ABCD3: variants seen among roughly 807,000 people sequenced by gnomAD.
The protein encoded by ABCD3 is ATP binding cassette subfamily D member 3.
In ABCD3, 41 loss-of-function variants were observed where a neutral mutation model predicts 105.5. That is an observed-to-expected ratio of 0.39 (90% CI 0.30 to 0.50). The LOEUF (loss-of-function observed/expected upper bound fraction) is 0.50, where lower values mean the gene tolerates loss of function less well. Among genes scored for constraint, ABCD3 ranks in the 20% least tolerant of loss-of-function variants. ABCD3 has a pLI of 0.84. For synonymous variants in ABCD3, 258 were observed against 269.0 expected (o/e 0.96, Z 0.40); for missense variants, 622 against 806.3 (o/e 0.77, Z 2.77).
chr1:94,512,309 T>C (rs962082531), intron 21 of ABCD3, among the ~76,000 whole-genome samples: 2 of 151,996 alleles, frequency 1.3e-5, no homozygotes, highest in Non-Finnish European at 2.9e-5. Flanking sequence ...ATGTAAAAGA[T>C]ATCTCATTGA....
At chr1:94,448,647 T>C (rs1361959187) in intron 1 of ABCD3, among the ~76,000 whole-genome samples, 1 of 152,244 alleles carries the variant, frequency 6.6e-6, no homozygotes, top group Non-Finnish European at 1.5e-5. Flanking sequence ...TTGAAAATGC[T>C]CAGTTATGTT....
chr1:94,418,809 G>A (rs1012293447), intron 1 of ABCD3: 3 of 577,166 alleles, frequency 5.2e-6, no homozygotes. Context: ...CTCCACCCCG[G>A]GAGTGCGAAT....
At chr1:94,473,627 G>A (rs1465369896) in intron 4 of ABCD3, 139 bp from the exon 5 acceptor site, 14 of 698,660 alleles carry the variant, frequency 2.0e-5, no homozygotes, top group Non-Finnish European at 3.5e-5. Flanking sequence ...TTGCAAAAAA[G>A]TGGTTTTTAG....
chr1:94,386,766 G>A, the ABCD3 span, among the ~76,000 whole-genome samples: 2 of 152,276 alleles, frequency 1.3e-5, no homozygotes, highest in East Asian at 3.9e-4. Flanking sequence ...AGGCCAGGAG[G>A]ATTGCTTGAA....
intron 10 of ABCD3, among the ~76,000 whole-genome samples, chr1:94,484,552 T>C (rs1037996432): frequency 1.3e-5 from 2 of 152,090 alleles, no homozygotes; most frequent in African/African-American, 4.8e-5. Context: ...AACCAAACAC[T>C]GCATGTTCTC....
chr1:94,418,904 T>G (rs930185727), intron 1 of ABCD3: 8 of 444,376 alleles, frequency 1.8e-5, no homozygotes, highest in Non-Finnish European at 2.9e-5. Context: ...ATGCGGTGTG[T>G]CCCCCACCCC....
chr1:94,464,799 G>A lies in ABCD3; in HGVS notation c.172G>A (p.Val58Met). The A allele has an allele frequency of 6.2e-7, 1 of 1,613,838 alleles. No individual in the cohort carries two copies. Among genetic ancestry groups the A allele is most frequent in the Non-Finnish European group, 8.5e-7 (1 of 1,179,924 alleles). ...NEKEGKKERAVVDKVFFSRLI... is the reference protein window; with the variant it reads ...NEKEGKKERAMVDKVFFSRLI... Reference sequence around the variant, plus strand: ...GAAAGAGGGGAAAAAGGAGCGAGCTGTGGTGGACAAGGTGTTTTTCTCAAG... The same window carrying A: ...GAAAGAGGGGAAAAAGGAGCGAGCTATGGTGGACAAGGTGTTTTTCTCAAG... Residue 58 changes from valine to methionine, a missense_variant, in exon 3 of 23, where the codon GTG becomes ATG. Transcript: ENST00000370214.
chr1:94,438,448 C>A (rs995214082), intron 1 of ABCD3, among the ~76,000 whole-genome samples: 3 of 151,942 alleles, frequency 2.0e-5, no homozygotes. Flanking sequence ...TGTTAAATGA[C>A]AACAAAGGAT....
At chr1:94,421,408 G>A (rs962575458) in intron 1 of ABCD3, among the ~76,000 whole-genome samples, 2 of 152,082 alleles carry the variant, frequency 1.3e-5, no homozygotes, top group Non-Finnish European at 2.9e-5. Context: ...TTCCAGCACT[G>A]CTAAGCTAAC....
chr1:94,480,486 A>T lies in ABCD3; in HGVS notation c.707A>T (p.Tyr236Phe). Residue 236 changes from tyrosine to phenylalanine, a missense_variant, in exon 9 of 23, where the codon TAC (tyrosine) becomes TTC (phenylalanine). Coordinates refer to ENST00000370214, the MANE Select transcript of ABCD3 (RefSeq NM_002858.4). ...GAQGPASMMA[Y>F]LVVSGLFLTR... ...TAGGGCCCAGCGAGCATGATGGCCT[A>T]CTTGGTTGTTTCTGGGCTATTCCTA... 1.2e-6 allele frequency: 2 copies of T among 1,613,884 alleles called. No individual in the cohort carries two copies. The highest frequency in any genetic ancestry group is 1.7e-6 in the Non-Finnish European group (2 of 1,179,846).
chr1:94,403,741 G>A, the ABCD3 span, among the ~76,000 whole-genome samples: 1 of 152,148 alleles, frequency 6.6e-6, no homozygotes, highest in Non-Finnish European at 1.5e-5. Context: ...TGACTCCTGT[G>A]TTCCTGTGAC....
chr1:94,479,409 A>G (rs1648925532), intron 8 of ABCD3, among the ~76,000 whole-genome samples: 1 of 151,586 alleles, frequency 6.6e-6, no homozygotes, highest in Non-Finnish European at 1.5e-5. Flanking sequence ...AGTTGTTGAT[A>G]TGCATTGAAT....
chr1:94,444,909 G>T lies in ABCD3; in HGVS notation c.111-13698G>T, dbSNP rs557015375. 4.6e-5 allele frequency among the ~76,000 whole-genome samples: 7 copies of T among 152,344 alleles called. No individual in the cohort carries two copies. In the South Asian group the frequency reaches 1.4e-3, roughly 32 times the overall value. Reference sequence around the variant, plus strand: ...ACGATGCCCATGCTGAAGGTTGCAGGTTTACCGGAATGAGGGCAAGGGACA... The same window carrying T: ...ACGATGCCCATGCTGAAGGTTGCAGTTTTACCGGAATGAGGGCAAGGGACA... On this transcript the variant is annotated intron_variant, in intron 1 of 22. Coordinates refer to ENST00000370214, the MANE Select transcript of ABCD3 (RefSeq NM_002858.4).
the ABCD3 span, among the ~76,000 whole-genome samples, chr1:94,388,739 T>G: frequency 1.3e-5 from 2 of 152,246 alleles, no homozygotes; most frequent in Admixed American, 1.3e-4. Flanking sequence ...GCCTGAGTCC[T>G]CCAAACGCCA....
At chr1:94,491,041 T>C (rs1649511547) in intron 15 of ABCD3, 143 bp from the exon 16 acceptor site, 2 of 627,240 alleles carry the variant, frequency 3.2e-6, no homozygotes, top group Non-Finnish European at 2.8e-6. Flanking sequence ...CGTATGCCTG[T>C]TGGCCATCTG....
At chr1:94,457,564 C>G (rs1036678372) in intron 1 of ABCD3, among the ~76,000 whole-genome samples, 4 of 152,088 alleles carry the variant, frequency 2.6e-5, no homozygotes, top group Non-Finnish European at 5.9e-5. Flanking sequence ...CCCCCTCTTT[C>G]CCCGCCTTTG....
intron 10 of ABCD3, 75 bp downstream of exon 10, chr1:94,483,314 C>T: frequency 1.0e-6 from 1 of 999,482 alleles, no homozygotes; most frequent in East Asian, 2.4e-5. Context: ...CTATGGCCGA[C>T]ACACATACAC....
chr1:94,427,601 A>G (rs1222803204), intron 1 of ABCD3, among the ~76,000 whole-genome samples: 2 of 152,320 alleles, frequency 1.3e-5, no homozygotes, highest in Non-Finnish European at 2.9e-5. Flanking sequence ...GGAGAAAGAT[A>G]GGATCTTCCT....
the ABCD3 span, among the ~76,000 whole-genome samples, chr1:94,388,192 T>C: frequency 6.6e-6 from 1 of 152,220 alleles, no homozygotes; most frequent in South Asian, 2.1e-4. Context: ...AAATAAAACA[T>C]AATTCCCATG....
Sources: gnomAD v4.1 joint callset for allele counts (sites outside exome capture counted in the v4.1 genomes callset) on GRCh38, gnomAD v4.1.1 for gene constraint, MANE v1.5 for transcripts, NCBI Gene and HGNC (gene_info 2026-07-23, HGNC 2026-07-21) for gene names.